Variants in DPP6 observed in about 807,000 individuals in gnomAD.
The protein encoded by DPP6 is A-type potassium channel modulatory protein DPP6.
Under a neutral mutation model 122.6 loss-of-function variants are expected in DPP6, and 69 were observed. The ratio of observed to expected loss-of-function variants is 0.56; its 90% confidence interval spans 0.46 to 0.69. The LOEUF is 0.69. Among genes scored for constraint, DPP6 ranks in the 30% least tolerant of loss-of-function variants. The pLI is 0.00. For missense variants in DPP6, 928 were observed against 1,116.9 expected (o/e 0.83, Z 2.41); for synonymous variants, 418 against 433.1 (o/e 0.97, Z 0.43).
intron 1 of DPP6, among the ~76,000 whole-genome samples, chr7:154,212,114 A>G (rs920342676): frequency 1.3e-5 from 2 of 152,098 alleles, no homozygotes; most frequent in Non-Finnish European, 2.9e-5. Flanking sequence ...TCAGTGCTGG[A>G]CAATCGAGTA....
intron 8 of DPP6, among the ~76,000 whole-genome samples, chr7:154,757,664 C>T (rs1471204332): frequency 4.6e-5 from 7 of 152,196 alleles, no homozygotes; most frequent in Non-Finnish European, 1.0e-4. Context: ...AGACAGTGTC[C>T]TGGCCTCTTA....
chr7:154,133,956 G>A lies in DPP6; in HGVS notation c.243+80893G>A, dbSNP rs1455949206. Among the ~76,000 whole-genome samples the A allele has an allele frequency of 3.4e-4, 52 of 151,664 alleles. No homozygotes were observed. In the South Asian group the frequency reaches 4.5e-3, roughly 13 times the overall value. On this transcript the variant is annotated intron_variant, in intron 1 of 25. Coordinates refer to ENST00000377770, the MANE Select transcript of DPP6 (RefSeq NM_130797.4). ...CACCTCTGCTCAGCAGCCTGCCAAT[G>A]TGATGGGACACACCCCATGCTGGAA...
chr7:154,083,712 C>A (rs951815943), intron 1 of DPP6, among the ~76,000 whole-genome samples: 2 of 148,592 alleles, frequency 1.3e-5, no homozygotes, highest in African/African-American at 5.1e-5. Context: ...ATGCCCAAGG[C>A]ATCTTCCTAT....
chr7:154,615,739 T>C (rs1400460052), intron 5 of DPP6, among the ~76,000 whole-genome samples: 1 of 151,898 alleles, frequency 6.6e-6, no homozygotes, highest in Non-Finnish European at 1.5e-5. Context: ...TTTTTCATCA[T>C]CCACAACAGA....
intron 11 of DPP6, 44 bp from the exon 12 acceptor site, chr7:154,795,801 A>T (rs1798014892): frequency 1.1e-5 from 8 of 706,902 alleles, no homozygotes; most frequent in Non-Finnish European, 1.4e-5. Flanking sequence ...AAAAAAGAAA[A>T]GAAAAGAAAA....
At chr7:154,090,105 G>A (rs1005085880) in intron 1 of DPP6, among the ~76,000 whole-genome samples, 3 of 152,266 alleles carry the variant, frequency 2.0e-5, no homozygotes, top group Middle Eastern at 3.4e-3. Flanking sequence ...ACTCTTCCAG[G>A]CATGGGGCCA....
At chr7:154,783,442 C>T (rs1411438447) in intron 10 of DPP6, among the ~76,000 whole-genome samples, 2 of 152,142 alleles carry the variant, frequency 1.3e-5, no homozygotes, top group East Asian at 3.9e-4. Context: ...CAGACACCAA[C>T]AGGTTTACAG....
intron 1 of DPP6, chr7:154,058,925 C>T (rs1585256382): frequency 6.6e-6 from 1 of 150,616 alleles, no homozygotes; most frequent in African/African-American, 2.5e-5. Context: ...CCGCCCCTGG[C>T]TGTTAGTACC....
chr7:153,906,409 A>G (rs1799853187), intron 1 of DPP6, among the ~76,000 whole-genome samples: 6 of 152,116 alleles, frequency 3.9e-5, no homozygotes, highest in Admixed American at 3.9e-4. Context: ...GTTGCTGTGT[A>G]TCCATTGTTT....
At chr7:154,504,160 A>G (rs1389700781) in intron 3 of DPP6, among the ~76,000 whole-genome samples, 1 of 151,320 alleles carries the variant, frequency 6.6e-6, no homozygotes, top group African/African-American at 2.4e-5. Flanking sequence ...AGTGCCCTCT[A>G]GTGGCTAAGG....
intron 1 of DPP6, among the ~76,000 whole-genome samples, chr7:154,342,675 T>C (rs539202738): frequency 1.2e-4 from 19 of 152,330 alleles, no homozygotes; most frequent in South Asian, 1.2e-3. Flanking sequence ...ATCTGACAGC[T>C]TCTGTACCTT....
chr7:153,866,628 T>C, the DPP6 span, among the ~76,000 whole-genome samples: 1 of 152,218 alleles, frequency 6.6e-6, no homozygotes, highest in Non-Finnish European at 1.5e-5. Context: ...TAGTTTCTTT[T>C]GCTGTGCAGA....
intron 1 of DPP6, among the ~76,000 whole-genome samples, chr7:154,248,924 G>A (rs1802166529): frequency 6.6e-6 from 1 of 152,026 alleles, no homozygotes; most frequent in African/African-American, 2.4e-5. Flanking sequence ...GCATTTCAAT[G>A]TATATAAATT....
At chr7:154,325,878 T>C (rs978884770) in intron 1 of DPP6, among the ~76,000 whole-genome samples, 1 of 152,212 alleles carries the variant, frequency 6.6e-6, no homozygotes, top group African/African-American at 2.4e-5. Flanking sequence ...GTTACCTGAA[T>C]GTCTTACTTT....
Position 153,956,731 on chromosome 7 carries a change from G to A in DPP6, c.51+68997G>A, listed in dbSNP as rs117389837. ...ATTTCTGAAGCGGAACCCAGTCCTG[G>A]CAGCAATCTTTCTTCTGTCTCAGCT... On this transcript the variant is annotated intron_variant, in intron 1 of 25. Transcript: ENST00000404039. 5.6e-3 allele frequency among the ~76,000 whole-genome samples: 852 copies of A among 152,284 alleles called. 4 individuals are homozygous for A. The highest frequency in any genetic ancestry group is 0.011 in the Admixed American group (165 of 15,298).
intron 1 of DPP6, among the ~76,000 whole-genome samples, chr7:154,106,501 T>A (rs1428312695): frequency 1.5e-5 from 2 of 132,672 alleles, no homozygotes; most frequent in Admixed American, 8.1e-5. Flanking sequence ...TGCTGGAGAT[T>A]CAGTGGCCAC....
intron 1 of DPP6, chr7:154,058,001 G>A (rs1801015156): frequency 6.7e-6 from 1 of 150,352 alleles, no homozygotes; most frequent in Non-Finnish European, 1.5e-5. Context: ...GGCAAAACCT[G>A]AACATAAAGG....
chr7:154,157,534 C>G (rs1289930708), intron 1 of DPP6, among the ~76,000 whole-genome samples: 1 of 152,224 alleles, frequency 6.6e-6, no homozygotes, highest in Non-Finnish European at 1.5e-5. Flanking sequence ...CTGCCTCTCT[C>G]CTCCTGAACT....
chr7:153,920,387 G>A (rs1018791022), intron 1 of DPP6, among the ~76,000 whole-genome samples: 5 of 152,178 alleles, frequency 3.3e-5, no homozygotes, highest in South Asian at 4.2e-4. Context: ...TGGCAACAAT[G>A]TTGCAATCAT....
Sources: gnomAD v4.1 joint callset for allele counts (sites outside exome capture counted in the v4.1 genomes callset) on GRCh38, gnomAD v4.1.1 for gene constraint, MANE v1.5 for transcripts, NCBI Gene and HGNC (gene_info 2026-07-23, HGNC 2026-07-21) for gene names.